The following RBCK1 variants were observed in gnomAD, a reference collection of about 807,000 sequenced individuals.
RBCK1 encodes RANBP2-type and C3HC4-type zinc finger containing 1, also known as ranBP-type and C3HC4-type zinc finger-containing protein 1.
In RBCK1, 44 loss-of-function variants were observed where a neutral mutation model predicts 71.1. The ratio of observed to expected loss-of-function variants is 0.62; its 90% CI spans 0.49 to 0.80. The LOEUF is 0.80. Ranked by LOEUF, RBCK1 falls within the 30% of genes least tolerant of loss-of-function variation. The pLI, the probability that RBCK1 is intolerant of heterozygous loss-of-function variation, is 0.00. For synonymous variants in RBCK1, 306 were observed against 279.7 expected, an observed-to-expected ratio of 1.09 and a Z score of -0.94; for missense variants, 569 against 685.0, an observed-to-expected ratio of 0.83 and a Z score of 1.89.
chr20:410,565 C>A lies in RBCK1; in HGVS notation c.167+540C>A, dbSNP rs1232405058. On this transcript the variant is annotated intron_variant, in intron 2 of 11. Coordinates refer to ENST00000356286, the MANE Select transcript of RBCK1 (RefSeq NM_031229.4). ...TAATTCCTGTGGACCAGAACTGATT[C>A]CCACAGCTACAGTTCAGCTTGAGGG... The A allele has an allele frequency of 3.8e-6, 3 of 779,682 alleles. No individual in the cohort carries two copies. The East Asian group carries it at 7.3e-5, about 19-fold the overall frequency. 48.3% of individuals were successfully genotyped at this position (779,682 alleles called of 1,614,324 possible).
chr20:429,860 C>G (rs1031316047), intron 11 of RBCK1, among the ~76,000 whole-genome samples: 1 of 152,224 alleles, frequency 6.6e-6, no homozygotes, highest in East Asian at 1.9e-4. Flanking sequence ...CTGCCACTCA[C>G]CTCTGTCAGC....
Position 418,619 on chromosome 20 carries a change from C to T in RBCK1, c.460+689C>T, listed in dbSNP as rs548013102. Among the ~76,000 whole-genome samples, 28 of 152,308 alleles carry T rather than the reference C, an allele frequency of 1.8e-4. No homozygotes were observed. The South Asian group carries it at 2.1e-3, about 11-fold the overall frequency. The stretch of plus-strand genomic sequence containing the variant: ...TCCTGACTTTGTGATCCGCCCGCCT[C>T]GGCCTCCCAAAGTGCTGGGATTACA... On this transcript the variant is annotated intron_variant, in intron 4 of 11. Coordinates refer to ENST00000356286, the MANE Select transcript of RBCK1 (RefSeq NM_031229.4).
At chr20:410,800 C>T (rs1600273408) in intron 2 of RBCK1, 5 of 420,728 alleles carry the variant, frequency 1.2e-5, no homozygotes, top group Non-Finnish European at 2.2e-5. Flanking sequence ...GATAGTAAGG[C>T]AATAGTTTTA....
intron 6 of RBCK1, chr20:420,182 C>T (rs2016297759): frequency 1.0e-6 from 1 of 985,252 alleles, no homozygotes; most frequent in Non-Finnish European, 1.2e-6. Flanking sequence ...TGACCTCTTC[C>T]CTCTCGGGCT....
Position 422,323 on chromosome 20 carries a change from C to A in RBCK1, c.1029+85C>A. The A allele has an allele frequency of 1.7e-6, 2 of 1,148,772 alleles. No individual in the cohort carries two copies. The highest frequency in any genetic ancestry group is 2.5e-6 in the Non-Finnish European group (2 of 788,814). 71.2% of individuals were successfully genotyped at this position (1,148,772 alleles called of 1,614,324 possible). Reference sequence around the variant, plus strand: ...AGCAGGCAGCAGACATCTTTCTTTTCTTTCTTTTTTTTTTTTGGAGATGGG... The same window carrying A: ...AGCAGGCAGCAGACATCTTTCTTTTATTTCTTTTTTTTTTTTGGAGATGGG... On this transcript the variant is annotated intron_variant, in intron 8 of 11. Transcript: ENST00000356286. This position sits in a 1 kb window ranked among gnomAD's most constrained non-coding sequence, Gnocchi z 5.0.
intron 2 of RBCK1, among the ~76,000 whole-genome samples, chr20:416,336 ATTTT>A (rs2015991753): frequency 6.7e-6 from 1 of 148,930 alleles, no homozygotes; most frequent in African/African-American, 2.5e-5. Flanking sequence ...TTTTTTTTGT[ATTTT>A]TAGTAGAGAC....
intron 4 of RBCK1, among the ~76,000 whole-genome samples, chr20:418,517 C>T (rs190720652): frequency 0.066 from 10,001 of 152,136 alleles, 424 homozygotes; most frequent in South Asian, 0.11. Context: ...TACAGGCGCC[C>T]GCCACCACGC....
intron 1 of RBCK1, among the ~76,000 whole-genome samples, chr20:409,659 A>T (rs1200637941): frequency 6.6e-6 from 1 of 152,136 alleles, no homozygotes; most frequent in East Asian, 1.9e-4. Context: ...AATGGGAAGG[A>T]CAAACAACCA....
intron 2 of RBCK1, chr20:410,559 C>A (rs772059478): frequency 9.0e-6 from 7 of 779,616 alleles, no homozygotes; most frequent in Admixed American, 1.7e-5. Context: ...TGGACCAGAA[C>A]TGATTCCCAC....
chr20:428,844 A>G lies in RBCK1; in HGVS notation c.1309-107A>G, dbSNP rs2016869617. 1 of 1,448,644 alleles carries G rather than the reference A, an allele frequency of 6.9e-7. No individual in the cohort carries two copies. The highest frequency in any genetic ancestry group is 9.0e-7 in the Non-Finnish European group (1 of 1,106,666). 89.7% of individuals were successfully genotyped at this position (1,448,644 alleles called of 1,614,324 possible). On this transcript the variant is annotated intron_variant, in intron 10 of 11. Coordinates refer to ENST00000356286, the MANE Select transcript of RBCK1 (RefSeq NM_031229.4). This position sits in a 1 kb window ranked among gnomAD's most constrained non-coding sequence, Gnocchi z 5.7. ...CTGGCCTGGCAGAGCCACACAGGAGAGACTCCACAGCTCTAGAGGGTCACC... is the reference window on the plus strand; with the variant it reads ...CTGGCCTGGCAGAGCCACACAGGAGGGACTCCACAGCTCTAGAGGGTCACC...
chr20:421,113 G>GT, intron 7 of RBCK1, 82 bp downstream of exon 7: 1 of 1,435,646 alleles, frequency 7.0e-7, no homozygotes, highest in Non-Finnish European at 9.2e-7. Context: ...GTGGGGCCCT[G>GT]TGCTCTGATA....
In RBCK1 at chr20:410,894, C is replaced by A. The variant is rs147734042; in HGVS notation, c.167+869C>A. On this transcript the variant is annotated intron_variant, in intron 2 of 11. Transcript: ENST00000356286. ...TATTTATTTATTTATCCTTACAGTT[C>A]GACCATTTAAAGTATACAGTTCAAT... 127 of 235,876 alleles carry A rather than the reference C, an allele frequency of 5.4e-4. 3 individuals are homozygous for A. In the East Asian group the frequency reaches 0.011, roughly 20 times the overall value. 14.6% of individuals were successfully genotyped at this position (235,876 alleles called of 1,614,324 possible). A position where few individuals can be genotyped will look rare whatever the true frequency, so the allele number is the denominator to read the frequency against.
rs1307335242 is a variant in RBCK1 at position 417,715 on chromosome 20, C to G, written c.262-17C>G. On this transcript the variant is annotated splice_polypyrimidine_tract_variant and intron_variant, in intron 3 of 11. Transcript: ENST00000356286. The surrounding 1 kb of genome is among the most constrained non-coding windows in gnomAD (Gnocchi z 4.7). ...CTGGCCCTCCCTTCCCACTCTCCCT[C>G]TCTTTGCCCCCACCAGGTTTTTCTG... 4.4e-6 allele frequency: 7 copies of G among 1,608,998 alleles called. No individual in the cohort carries two copies. The highest frequency in any genetic ancestry group is 1.6e-4 in the Middle Eastern group (1 of 6,064).
At position 427,350 on chromosome 20, in the gene RBCK1, T is replaced by C. The variant is rs2016783093; in HGVS notation, c.1067T>C (p.Leu356Pro). ...GAGGATTACCAGCGATTTCTAGACC[T>C]GGGCATCTCCATTGCTGAAAACCGC... ...TPEDYQRFLD[L>P]GISIAENRSA... is the part of the protein sequence containing the mutation. Residue 356 changes from leucine to proline, a missense_variant, in exon 9 of 12, where the codon CTG becomes CCG. Physicochemically the swap from Leu to Pro is moderately conservative, Grantham distance 98. Transcript: ENST00000356286. 1 of 1,614,190 alleles carries C rather than the reference T, an allele frequency of 6.2e-7. No individual in the cohort carries two copies. Among genetic ancestry groups the C allele is most frequent in the Non-Finnish European group, 8.5e-7 (1 of 1,180,026 alleles).
At position 417,466 on chromosome 20, in the gene RBCK1, C is replaced by T. The variant is rs369095938; in HGVS notation, c.168-60C>T. 7.7e-6 allele frequency: 11 copies of T among 1,436,296 alleles called. No homozygotes were observed. The highest frequency in any genetic ancestry group is 4.2e-5 in the African/African-American group (3 of 71,406). The allele number at this position is 1,436,296 out of a possible 1,614,324, so 89.0% of individuals were successfully genotyped here. A position where few individuals can be genotyped will look rare whatever the true frequency, so the allele number is the denominator to read the frequency against. ...GTGCAAATATGTACATGTCTGTAGCCGGTGGCTGAGGCTGGACCCCTGGCC... is the reference window on the plus strand; with the variant it reads ...GTGCAAATATGTACATGTCTGTAGCTGGTGGCTGAGGCTGGACCCCTGGCC... On this transcript the variant is annotated intron_variant, in intron 2 of 11. Transcript: ENST00000356286. This position sits in a 1 kb window ranked among gnomAD's most constrained non-coding sequence, Gnocchi z 4.7.
At chr20:426,623 T>A (rs553141650) in intron 8 of RBCK1, among the ~76,000 whole-genome samples, 1 of 152,260 alleles carries the variant, frequency 6.6e-6, no homozygotes, top group African/African-American at 2.4e-5. Flanking sequence ...TTTCCCAACA[T>A]TGCTTATTAT....
In RBCK1 at chr20:422,243, G is replaced by T; in HGVS notation, c.1029+5G>T. The T allele has an allele frequency of 6.2e-7, 1 of 1,613,076 alleles. No individual in the cohort carries two copies. ...CTGGAGAGGGAGATCAAGGCGGTAA[G>T]GCCTCAGGGTGGGAGACATACCCCA... is the stretch of plus-strand genomic sequence containing the variant. On this transcript the variant is annotated splice_donor_5th_base_variant and intron_variant, in intron 8 of 11. Transcript: ENST00000356286. This position sits in a 1 kb window ranked among gnomAD's most constrained non-coding sequence, Gnocchi z 5.0.
chr20:416,304 C>T (rs1253490562), intron 2 of RBCK1, among the ~76,000 whole-genome samples: 2 of 151,800 alleles, frequency 1.3e-5, no homozygotes, highest in East Asian at 1.9e-4. Context: ...TACAGGCGCC[C>T]GCCACCGTGC....
Position 420,951 on chromosome 20 carries a change from C to G in RBCK1, c.837C>G (p.Pro279=). Reference sequence around the variant, plus strand: ...GGAGCCTGGTGCTGAACACGGAGCCCGCCGAGTGCCCCGTGTGCTACTCGG... The same window carrying G: ...GGAGCCTGGTGCTGAACACGGAGCCGGCCGAGTGCCCCGTGTGCTACTCGG... ...DQRSLVLNTE[P]AECPVCYSVL... Residue 279 remains proline (P), a synonymous_variant, in exon 7 of 12, where the codon CCC becomes CCG. Transcript: ENST00000356286. 6.4e-7 allele frequency: 1 copy of G among 1,556,500 alleles called. No homozygotes were observed. The highest frequency in any genetic ancestry group is 8.7e-7 in the Non-Finnish European group (1 of 1,151,602).
Sources: allele counts gnomAD v4.1 joint callset (sites outside exome capture counted in the v4.1 genomes callset), GRCh38; gene constraint gnomAD v4.1.1; non-coding constraint Gnocchi (gnomAD v3.1); transcripts MANE v1.5; gene names NCBI Gene and HGNC (gene_info 2026-07-23, HGNC 2026-07-21).